The following RANBP17 variants were observed in gnomAD, a reference collection of about 807,000 sequenced individuals.
RANBP17 encodes the protein ran-binding protein 17.
RANBP17 carries 158 observed loss-of-function variants against 141.2 expected under a neutral mutation model. The observed-to-expected ratio is 1.12, with a 90% CI of 0.98 to 1.28. RANBP17 has a LOEUF of 1.28. RANBP17 is among the 50% of genes most tolerant of loss of function. RANBP17 has a pLI of 0.00. For synonymous variants in RANBP17, 430 were observed against 450.0 expected, an observed-to-expected ratio of 0.96 and a Z score of 0.56; for missense variants, 1,438 against 1,290.7, an observed-to-expected ratio of 1.11 and a Z score of -1.75.
intron 14 of RANBP17, among the ~76,000 whole-genome samples, chr5:171,103,738 C>A (rs556391146): frequency 6.6e-5 from 10 of 152,214 alleles, no homozygotes; most frequent in African/African-American, 2.4e-4. Flanking sequence ...GGTGTAGGCA[C>A]CCGAGAGAAT....
At chr5:170,924,098 A>G (rs1164365740) in intron 11 of RANBP17, among the ~76,000 whole-genome samples, 6 of 151,706 alleles carry the variant, frequency 4.0e-5, no homozygotes, top group African/African-American at 1.5e-4. Context: ...CCCAAGTTCA[A>G]GCAATTCTCA....
intron 25 of RANBP17, among the ~76,000 whole-genome samples, chr5:171,274,428 T>C (rs1219525664): frequency 6.6e-6 from 1 of 152,196 alleles, no homozygotes; most frequent in Non-Finnish European, 1.5e-5. Context: ...TCAAGAATGA[T>C]CTAGTCCAGA....
At chr5:171,289,981 G>A (rs181491046) in intron 25 of RANBP17, among the ~76,000 whole-genome samples, 1 of 152,238 alleles carries the variant, frequency 6.6e-6, no homozygotes, top group East Asian at 1.9e-4. Context: ...AGTGAGCTGA[G>A]AGCGTACCAC....
intron 22 of RANBP17, among the ~76,000 whole-genome samples, chr5:171,230,415 C>T (rs1287190481): frequency 6.6e-6 from 1 of 152,152 alleles, no homozygotes. Context: ...GAGCTTTAGG[C>T]AGTGAGAGAC....
At chr5:171,231,100 CTTTTT>C (rs367751794) in intron 22 of RANBP17, among the ~76,000 whole-genome samples, 2 of 120,052 alleles carry the variant, frequency 1.7e-5, no homozygotes, top group South Asian at 2.8e-4. Flanking sequence ...CCATGCCTGG[CTTTTT>C]TTTTTTTTTT....
At chr5:171,145,955 G>T (rs1324508632) in intron 14 of RANBP17, among the ~76,000 whole-genome samples, 1 of 151,978 alleles carries the variant, frequency 6.6e-6, no homozygotes. Context: ...CCAGGAAGAA[G>T]AAAAAACATT....
chr5:171,246,283 G>C (rs1311756719), intron 24 of RANBP17, among the ~76,000 whole-genome samples: 1 of 152,208 alleles, frequency 6.6e-6, no homozygotes, highest in Admixed American at 6.5e-5. Context: ...CTGGTACTCT[G>C]TACTACAAGT....
At chr5:171,038,315 T>G (rs1782022042) in intron 14 of RANBP17, among the ~76,000 whole-genome samples, 1 of 148,194 alleles carries the variant, frequency 6.7e-6, no homozygotes, top group South Asian at 2.3e-4. Context: ...CCTGAAACTT[T>G]ACTGAAGTTG....
intron 14 of RANBP17, among the ~76,000 whole-genome samples, chr5:171,019,404 G>C (rs1780689572): frequency 6.6e-6 from 1 of 151,780 alleles, no homozygotes; most frequent in African/African-American, 2.4e-5. Context: ...TTTTTTTGTT[G>C]GTAGGCTATG....
intron 12 of RANBP17, among the ~76,000 whole-genome samples, chr5:170,935,675 C>T (rs767198988): frequency 5.3e-5 from 8 of 152,078 alleles, no homozygotes; most frequent in Admixed American, 1.3e-4. Flanking sequence ...AGAGGGGCAC[C>T]GGGCCTTATG....
At chr5:171,144,142 C>A (rs1214205087) in intron 14 of RANBP17, among the ~76,000 whole-genome samples, 1 of 152,066 alleles carries the variant, frequency 6.6e-6, no homozygotes, top group Non-Finnish European at 1.5e-5. Context: ...GCAGGTGAAT[C>A]ACTTGAGCGC....
chr5:171,054,302 G>C (rs1426625055), intron 14 of RANBP17, among the ~76,000 whole-genome samples: 1 of 152,036 alleles, frequency 6.6e-6, no homozygotes, highest in East Asian at 1.9e-4. Context: ...CAGTGTCTTG[G>C]GCTGCTCACT....
At chr5:170,904,738 TA>T (rs1381121739) in intron 5 of RANBP17, among the ~76,000 whole-genome samples, 1 of 152,196 alleles carries the variant, frequency 6.6e-6, no homozygotes, top group African/African-American at 2.4e-5. Flanking sequence ...GTTGTATTTA[TA>T]ACCTCATATT....
chr5:170,901,764 T>G (rs1770652741), intron 5 of RANBP17, among the ~76,000 whole-genome samples: 1 of 152,212 alleles, frequency 6.6e-6, no homozygotes, highest in African/African-American at 2.4e-5. Flanking sequence ...GGATTTTATT[T>G]CTCCTTCACT....
chr5:171,280,701 C>G (rs1306477777), intron 25 of RANBP17, among the ~76,000 whole-genome samples: 1 of 151,960 alleles, frequency 6.6e-6, no homozygotes, highest in African/African-American at 2.4e-5. Flanking sequence ...AAAAGAGGTT[C>G]CCTCATCCTC....
In RANBP17 at chr5:171,229,563, T is replaced by G. The variant is rs1031642401; in HGVS notation, c.2422+7723T>G. On this transcript the variant is annotated intron_variant, in intron 22 of 27. Transcript: ENST00000523189. Reference sequence around the variant, plus strand: ...GTGCCCGCCACCATGCCTTGCTAATTTTTGTATTTTTAGTAGAGATGGGGT... The same window carrying G: ...GTGCCCGCCACCATGCCTTGCTAATGTTTGTATTTTTAGTAGAGATGGGGT... Among the ~76,000 whole-genome samples the G allele has an allele frequency of 2.0e-5, 3 of 151,636 alleles. No homozygotes were observed. The South Asian group carries it at 6.3e-4, about 32-fold the overall frequency.
At chr5:171,269,621 CT>C (rs1040935375) in intron 25 of RANBP17, among the ~76,000 whole-genome samples, 2 of 152,182 alleles carry the variant, frequency 1.3e-5, no homozygotes, top group African/African-American at 4.8e-5. Flanking sequence ...AAGATTCAGC[CT>C]GTTACCAGTG....
intron 23 of RANBP17, among the ~76,000 whole-genome samples, chr5:171,241,750 C>G (rs1469333364): frequency 6.6e-6 from 1 of 152,138 alleles, no homozygotes; most frequent in Non-Finnish European, 1.5e-5. Context: ...GAATTTTTCT[C>G]TAATTTTTTT....
At chr5:171,095,215 A>G (rs897031927) in intron 14 of RANBP17, among the ~76,000 whole-genome samples, 42 of 152,324 alleles carry the variant, frequency 2.8e-4, no homozygotes, top group Non-Finnish European at 5.3e-4. Flanking sequence ...TTTTCCTGAT[A>G]GTTTTAAGAT....
Sources: allele counts gnomAD v4.1 joint callset (sites outside exome capture counted in the v4.1 genomes callset), GRCh38; gene constraint gnomAD v4.1.1; transcripts MANE v1.5; gene names NCBI Gene and HGNC (gene_info 2026-07-23, HGNC 2026-07-21).